Variants in PCDH15 observed in about 807,000 individuals in gnomAD.
PCDH15 encodes protocadherin-15.
In PCDH15, 129 loss-of-function variants were observed where a neutral mutation model predicts 178.5. The ratio of observed to expected loss-of-function variants is 0.72; its 90% confidence interval spans 0.63 to 0.84. The LOEUF is 0.84. Among genes scored for constraint, PCDH15 ranks in the 40% least tolerant of loss-of-function variants. The pLI is 0.00. For synonymous variants in PCDH15, 800 were observed against 732.0 expected (o/e 1.09, Z -1.50); for missense variants, 2,230 against 2,099.9 (o/e 1.06, Z -1.21).
At chr10:54,486,097 A>G (rs536526123) in intron 3 of PCDH15, 10 of 152,148 alleles carry the variant, frequency 6.6e-5, no homozygotes, top group African/African-American at 1.9e-4. Flanking sequence ...AATCTAAGCA[A>G]TAAAGACTGT....
At chr10:54,763,331 A>T (rs1432222798) in intron 1 of PCDH15, among the ~76,000 whole-genome samples, 1 of 152,192 alleles carries the variant, frequency 6.6e-6, no homozygotes, top group African/African-American at 2.4e-5. Flanking sequence ...CTCAGATTCC[A>T]TGAGACACTA....
At chr10:54,853,425 A>G (rs1006946272) in intron 3 of PCDH15, among the ~76,000 whole-genome samples, 9 of 143,680 alleles carry the variant, frequency 6.3e-5, no homozygotes, top group African/African-American at 2.3e-4. Flanking sequence ...ACATACATAT[A>G]TATATACACA....
intron 1 of PCDH15, among the ~76,000 whole-genome samples, chr10:54,771,047 C>T (rs1043173329): frequency 3.9e-5 from 6 of 152,016 alleles, no homozygotes; most frequent in South Asian, 2.1e-4. Flanking sequence ...TGAAATGCCA[C>T]GCTTACCCCT....
intron 1 of PCDH15, among the ~76,000 whole-genome samples, chr10:55,177,447 C>T (rs1839524634): frequency 6.6e-6 from 1 of 152,126 alleles, no homozygotes; most frequent in Non-Finnish European, 1.5e-5. Flanking sequence ...AACCCAGGTC[C>T]AAGATCCAGT....
chr10:55,046,109 G>A (rs576950426), intron 2 of PCDH15, among the ~76,000 whole-genome samples: 1 of 152,098 alleles, frequency 6.6e-6, no homozygotes, highest in East Asian at 1.9e-4. Flanking sequence ...AGAGGGATTT[G>A]CTCATTGTAG....
At chr10:55,225,725 G>T (rs1841016171) in intron 1 of PCDH15, among the ~76,000 whole-genome samples, 1 of 151,796 alleles carries the variant, frequency 6.6e-6, no homozygotes, top group South Asian at 2.1e-4. Flanking sequence ...TTAACTATGA[G>T]TGTGAAGTAT....
At chr10:55,203,644 G>A (rs530797403) in intron 1 of PCDH15, among the ~76,000 whole-genome samples, 25 of 152,034 alleles carry the variant, frequency 1.6e-4, no homozygotes, top group African/African-American at 6.0e-4. Flanking sequence ...CATGGTAGTT[G>A]GCTAGTAGTA....
chr10:54,343,927 T>C (rs572606377), intron 6 of PCDH15, among the ~76,000 whole-genome samples: 2 of 152,192 alleles, frequency 1.3e-5, no homozygotes, highest in East Asian at 3.9e-4. Flanking sequence ...GGTGAAGAAT[T>C]TACAATATTT....
intron 8 of PCDH15, among the ~76,000 whole-genome samples, chr10:54,300,071 T>G (rs756611975): frequency 2.0e-5 from 3 of 152,158 alleles, no homozygotes; most frequent in Admixed American, 6.6e-5. Context: ...AGTAGACTCT[T>G]TGGCAGCAGA....
intron 2 of PCDH15, among the ~76,000 whole-genome samples, chr10:55,555,898 A>C (rs1842081198): frequency 6.6e-6 from 1 of 152,066 alleles, no homozygotes; most frequent in Non-Finnish European, 1.5e-5. Context: ...CCTCCCCACA[A>C]TTTGCCTGAC....
chr10:54,348,378 G>C (rs1040622194), intron 5 of PCDH15, among the ~76,000 whole-genome samples: 1 of 152,178 alleles, frequency 6.6e-6, no homozygotes, highest in Admixed American at 6.5e-5. Context: ...GATCGTTTAA[G>C]TAGTACCTAT....
intron 3 of PCDH15, among the ~76,000 whole-genome samples, chr10:54,516,862 T>C (rs2082280894): frequency 6.6e-6 from 1 of 152,220 alleles, no homozygotes. Context: ...AGCAGATCTC[T>C]CGGCAGAAAC....
At chr10:53,919,057 G>A (rs1449343284) in intron 25 of PCDH15, among the ~76,000 whole-genome samples, 1 of 152,130 alleles carries the variant, frequency 6.6e-6, no homozygotes, top group Non-Finnish European at 1.5e-5. Flanking sequence ...GTCTGACACT[G>A]ACTGTCCTGC....
At chr10:53,973,015 A>G (rs2089871451) in intron 21 of PCDH15, among the ~76,000 whole-genome samples, 1 of 152,140 alleles carries the variant, frequency 6.6e-6, no homozygotes, top group South Asian at 2.1e-4. Context: ...GGTACTATTC[A>G]CAATAGCAAA....
intron 2 of PCDH15, among the ~76,000 whole-genome samples, chr10:54,910,254 T>C (rs1249900896): frequency 6.6e-6 from 1 of 152,070 alleles, no homozygotes; most frequent in Non-Finnish European, 1.5e-5. Flanking sequence ...CACCAATACC[T>C]TCTTCTGTCA....
chr10:55,067,641 T>TA (rs1459634490), intron 2 of PCDH15, among the ~76,000 whole-genome samples: 8 of 151,438 alleles, frequency 5.3e-5, no homozygotes, highest in Non-Finnish European at 1.2e-4. Flanking sequence ...AGTTCTATTT[T>TA]TTTTTTTTTT....
intron 23 of PCDH15, among the ~76,000 whole-genome samples, chr10:53,954,082 G>A (rs549279422): frequency 3.3e-5 from 5 of 152,124 alleles, no homozygotes; most frequent in African/African-American, 7.2e-5. Flanking sequence ...GAGCAACTGC[G>A]CCCGGCTGTA....
At chr10:54,052,094 T>C (rs1488944492) in intron 18 of PCDH15, among the ~76,000 whole-genome samples, 3 of 152,184 alleles carry the variant, frequency 2.0e-5, no homozygotes, top group Non-Finnish European at 4.4e-5. Context: ...AGGAGTTTGC[T>C]ATAGAAGTGG....
chr10:54,546,397 T>A (rs1200440327), intron 2 of PCDH15, among the ~76,000 whole-genome samples: 1 of 152,144 alleles, frequency 6.6e-6, no homozygotes, highest in African/African-American at 2.4e-5. Context: ...ATATAAAGTC[T>A]TTTTAATATT....
Sources: gnomAD v4.1 joint callset for allele counts (sites outside exome capture counted in the v4.1 genomes callset) on GRCh38, gnomAD v4.1.1 for gene constraint, MANE v1.5 for transcripts, NCBI Gene and HGNC (gene_info 2026-07-23, HGNC 2026-07-21) for gene names.